C11orf86: variants seen among roughly 807,000 people sequenced by gnomAD.
The protein encoded by C11orf86 is uncharacterized protein C11orf86.
In C11orf86, 13 loss-of-function variants were observed where a neutral mutation model predicts 11.1. The observed-to-expected ratio is 1.17, with a 90% CI of 0.76 to 1.86. The LOEUF is 1.86. C11orf86 is among the 40% of genes most tolerant of loss of function. The pLI is 0.00. For synonymous variants in C11orf86, 86 were observed against 64.7 expected, an observed-to-expected ratio of 1.33 and a Z score of -1.58; for missense variants, 144 against 146.5, an observed-to-expected ratio of 0.98 and a Z score of 0.09.
Position 66,976,337 on chromosome 11 carries a change from C to A in C11orf86, c.*86C>A. 1 of 1,390,548 alleles carries A rather than the reference C, an allele frequency of 7.2e-7. No homozygotes were observed. Among genetic ancestry groups the A allele is most frequent in the Non-Finnish European group, 9.9e-7 (1 of 1,011,896 alleles). 86.1% of individuals were successfully genotyped at this position (1,390,548 alleles called of 1,614,324 possible). On this transcript the variant is annotated 3_prime_UTR_variant, in exon 2 of 2. Transcript: ENST00000683896. ...TGGACCAGCCCACCGTGTCTGCTGA[C>A]CTACCTCTTCACAGCTCTCTGGACT...
Position 66,975,638 on chromosome 11 carries a change from G to GGTAT in C11orf86, c.276+2_276+5dup. The GGTAT allele has an allele frequency of 6.5e-7, 1 of 1,549,648 alleles. No individual in the cohort carries two copies. The highest frequency in any genetic ancestry group is 8.7e-7 in the Non-Finnish European group (1 of 1,146,424). ...GGTGGTGGCTGAGGCGGTACCAACA[G>GGTAT]GTATGGCTGTGGGCTGAAGGATGGA... On this transcript the variant is annotated frameshift_variant and splice_region_variant. Coordinates refer to ENST00000683896, the MANE Select transcript of C11orf86 (RefSeq NM_001353554.2). LOFTEE classifies it high-confidence loss of function.
chr11:66,976,632 C>A lies in C11orf86; in HGVS notation c.*381C>A, dbSNP rs1949792072. 4.8e-6 allele frequency: 1 copy of A among 208,560 alleles called. No individual in the cohort carries two copies. The highest frequency in any genetic ancestry group is 1.1e-4 in the South Asian group (1 of 8,902). The allele number at this position is 208,560 out of a possible 1,614,324, so 12.9% of individuals were successfully genotyped here. A position where few individuals can be genotyped will look rare whatever the true frequency, so the allele number is the denominator to read the frequency against. On this transcript the variant is annotated 3_prime_UTR_variant, in exon 2 of 2. Coordinates refer to ENST00000683896, the MANE Select transcript of C11orf86 (RefSeq NM_001353554.2). Reference sequence around the variant, plus strand: ...CCAGCTGTCAACTTCCAGGACGGAGCTTGATGAAGCCAGACCCATGGCCGA... The same window carrying A: ...CCAGCTGTCAACTTCCAGGACGGAGATTGATGAAGCCAGACCCATGGCCGA...
chr11:66,975,775 A>G, intron 1 of C11orf86, 137 bp downstream of exon 1: 4 of 1,318,762 alleles, frequency 3.0e-6, no homozygotes, highest in Non-Finnish European at 4.0e-6. Context: ...GAGGGTGCAG[A>G]GAGAGACACC....
chr11:66,976,038 G>A, intron 1 of C11orf86, 139 bp from the exon 2 acceptor site: 1 of 801,034 alleles, frequency 1.2e-6, no homozygotes, highest in Non-Finnish European at 2.0e-6. Flanking sequence ...GGGGCTGCAG[G>A]CTCCCTCCTC....
chr11:66,976,063 T>G, intron 1 of C11orf86, 114 bp from the exon 2 acceptor site: 2 of 990,596 alleles, frequency 2.0e-6, no homozygotes, highest in Non-Finnish European at 3.1e-6. Context: ...AGACAGGGTC[T>G]CCAATGAGCA....
At position 66,976,359 on chromosome 11, in the gene C11orf86, GAC is replaced by G; in HGVS notation, c.*109_*110del. On this transcript the variant is annotated 3_prime_UTR_variant, in exon 2 of 2. Transcript: ENST00000683896. ...TGACCTACCTCTTCACAGCTCTCTG[GAC>G]TTTGGCTGGGTGGCCCTAGGAGGCT... 7.9e-7 allele frequency: 1 copy of G among 1,263,744 alleles called. No homozygotes were observed. Among genetic ancestry groups the G allele is most frequent in the South Asian group, 1.3e-5 (1 of 76,046 alleles). The allele number at this position is 1,263,744 out of a possible 1,614,324, so 78.3% of individuals were successfully genotyped here.
chr11:66,975,305 G>A lies in C11orf86; in HGVS notation c.-58G>A, dbSNP rs977499418. On this transcript the variant is annotated 5_prime_UTR_variant, in exon 1 of 2. Transcript: ENST00000683896. ...TGGGTGGAGGCACTGGGCCACCTCAGAGGGCCAGTGTCTTGCTGAGGGGCC... is the reference window on the plus strand; with the variant it reads ...TGGGTGGAGGCACTGGGCCACCTCAAAGGGCCAGTGTCTTGCTGAGGGGCC... The A allele has an allele frequency of 1.4e-5, 21 of 1,515,966 alleles. No homozygotes were observed. The African/African-American group carries it at 2.8e-4, about 20-fold the overall frequency. The allele number at this position is 1,515,966 out of a possible 1,614,324, so 93.9% of individuals were successfully genotyped here. A position where few individuals can be genotyped will look rare whatever the true frequency, so the allele number is the denominator to read the frequency against.
In C11orf86 at chr11:66,975,407, C is replaced by T; in HGVS notation, c.45C>T (p.Pro15=). The change falls in exon 1 of 2, where the codon CCC becomes CCT. Residue 15 remains proline, a synonymous_variant. Coordinates refer to ENST00000683896, the MANE Select transcript of C11orf86 (RefSeq NM_001353554.2). The part of the protein sequence containing the change: ...LRSQSLREPR[P]SYGKLQEPWG... ...GTCAGTCCTTGCGAGAGCCCCGACCCTCCTATGGAAAGCTGCAGGAGCCCT... is the reference window on the plus strand; with the variant it reads ...GTCAGTCCTTGCGAGAGCCCCGACCTTCCTATGGAAAGCTGCAGGAGCCCT... The T allele has an allele frequency of 6.4e-7, 1 of 1,550,920 alleles. No homozygotes were observed. Among genetic ancestry groups the T allele is most frequent in the South Asian group, 1.2e-5 (1 of 84,062 alleles).
chr11:66,975,403 G>T lies in C11orf86; in HGVS notation c.41G>T (p.Arg14Leu). 6.4e-7 allele frequency: 1 copy of T among 1,550,784 alleles called. No individual in the cohort carries two copies. Among genetic ancestry groups the T allele is most frequent in the South Asian group, 1.2e-5 (1 of 84,044 alleles). Reference sequence around the variant, plus strand: ...CGAAGTCAGTCCTTGCGAGAGCCCCGACCCTCCTATGGAAAGCTGCAGGAG... The same window carrying T: ...CGAAGTCAGTCCTTGCGAGAGCCCCTACCCTCCTATGGAAAGCTGCAGGAG... ...GLRSQSLREP[R>L]PSYGKLQEPW... Residue 14 changes from arginine to leucine, a missense_variant, in exon 1 of 2, where the codon CGA (arginine) becomes CTA (leucine). Transcript: ENST00000683896.
rs898360485 is a variant in C11orf86 at position 66,976,245 on chromosome 11, C to A, written c.345C>A (p.Ser115=). 1 of 1,551,046 alleles carries A rather than the reference C, an allele frequency of 6.4e-7. No individual in the cohort carries two copies. Among genetic ancestry groups the A allele is most frequent in the South Asian group, 1.2e-5 (1 of 84,062 alleles). The change falls in exon 2 of 2, where the codon TCC becomes TCA. Residue 115 remains serine (S), a synonymous_variant. Transcript: ENST00000683896. The stretch of plus-strand genomic sequence containing the variant: ...GCGTGACTCTGAGTCAGCCGGCCTC[C>A]CCGTAGCCCACACTGGGCACCATCA... ...FPSVTLSQPA[S]P
In C11orf86 at chr11:66,975,595, C is replaced by A. The variant is rs1432069628; in HGVS notation, c.233C>A (p.Ala78Asp). 1.9e-6 allele frequency: 3 copies of A among 1,551,196 alleles called. No homozygotes were observed. The highest frequency in any genetic ancestry group is 1.4e-5 in the African/African-American group (1 of 73,042). The change falls in exon 1 of 2, where the codon GCC becomes GAC. Residue 78 changes from alanine to aspartate, a missense_variant. Coordinates refer to ENST00000683896, the MANE Select transcript of C11orf86 (RefSeq NM_001353554.2). ...GGGGACACAGAGCAGCTGATCCAAG[C>A]CCAGCGAAGAGGCAGCCGGTGGTGG... ...SLGDTEQLIQ[A>D]QRRGSRWWLR... is the part of the protein sequence containing the mutation.
rs60606837 is a variant in C11orf86 at position 66,976,454 on chromosome 11, C to T, written c.*203C>T. 94 of 595,162 alleles carry T rather than the reference C, an allele frequency of 1.6e-4. 1 individual carries two copies. The African/African-American group carries it at 1.7e-3, about 11-fold the overall frequency. The allele number at this position is 595,162 out of a possible 1,614,324, so 36.9% of individuals were successfully genotyped here. A position where few individuals can be genotyped will look rare whatever the true frequency, so the allele number is the denominator to read the frequency against. ...TAGCTCTGGCCCTTCCACTCCAGCA[C>T]TAGCTCTCTTTGAAGATCCCAGCAG... is the stretch of plus-strand genomic sequence containing the variant. On this transcript the variant is annotated 3_prime_UTR_variant, in exon 2 of 2. Coordinates refer to ENST00000683896, the MANE Select transcript of C11orf86 (RefSeq NM_001353554.2).
chr11:66,976,215 C>G lies in C11orf86; in HGVS notation c.315C>G (p.Phe105Leu). 1 of 1,551,366 alleles carries G rather than the reference C, an allele frequency of 6.4e-7. No homozygotes were observed. The highest frequency in any genetic ancestry group is 8.7e-7 in the Non-Finnish European group (1 of 1,146,986). Residue 105 changes from phenylalanine to leucine, a missense_variant, in exon 2 of 2, where the codon TTC becomes TTG. Physicochemically the swap from Phe to Leu is conservative, Grantham distance 22 (BLOSUM62 0). Coordinates refer to ENST00000683896, the MANE Select transcript of C11orf86 (RefSeq NM_001353554.2). ...RRRWESFVAIFPSVTLSQPAS... is the reference protein window; with the variant it reads ...RRRWESFVAILPSVTLSQPAS... ...GGTGGGAGAGCTTTGTCGCCATCTTCCCCAGCGTGACTCTGAGTCAGCCGG... is the reference window on the plus strand; with the variant it reads ...GGTGGGAGAGCTTTGTCGCCATCTTGCCCAGCGTGACTCTGAGTCAGCCGG...
At position 66,976,523 on chromosome 11, in the gene C11orf86, G is replaced by T; in HGVS notation, c.*272G>T. On this transcript the variant is annotated 3_prime_UTR_variant, in exon 2 of 2. Transcript: ENST00000683896. Reference sequence around the variant, plus strand: ...TCAGCTGTCTGCCCTCTGGGCTTGGGTAGGGGCCTTGGACTATGATTCTAT... The same window carrying T: ...TCAGCTGTCTGCCCTCTGGGCTTGGTTAGGGGCCTTGGACTATGATTCTAT... 1 of 518,128 alleles carries T rather than the reference G, an allele frequency of 1.9e-6. No homozygotes were observed. Among genetic ancestry groups the T allele is most frequent in the South Asian group, 2.6e-5 (1 of 38,232 alleles). 32.1% of individuals were successfully genotyped at this position (518,128 alleles called of 1,614,324 possible).
intron 1 of C11orf86, 120 bp from the exon 2 acceptor site, chr11:66,976,057 A>G: frequency 1.1e-6 from 1 of 940,084 alleles, no homozygotes; most frequent in Non-Finnish European, 1.6e-6. Flanking sequence ...TCTAAGAGAC[A>G]GGGTCTCCAA....
Position 66,975,525 on chromosome 11 carries a change from G to T in C11orf86, c.163G>T (p.Glu55Ter). 1 of 1,551,592 alleles carries T rather than the reference G, an allele frequency of 6.4e-7. No homozygotes were observed. Among genetic ancestry groups the T allele is most frequent in the Non-Finnish European group, 8.7e-7 (1 of 1,146,974 alleles). ...GTCCCAGGGCCTCGAGAGAGGCACA[G>T]AAGGGCCAGATGCCACTGCCCAGGA... ...SRSQGLERGT[E>*]GPDATAQERV... Residue 55 changes from glutamate (E) to a stop codon, truncating the protein, a stop_gained, in exon 1 of 2, where the codon GAA (glutamate) becomes TAA (stop). Coordinates refer to ENST00000683896, the MANE Select transcript of C11orf86 (RefSeq NM_001353554.2). LOFTEE classifies it high-confidence loss of function.
At chr11:66,975,950 C>T (rs1949785160) in intron 1 of C11orf86, among the ~76,000 whole-genome samples, 3 of 152,170 alleles carry the variant, frequency 2.0e-5, no homozygotes, top group Admixed American at 1.3e-4. Context: ...AGGAGATCAG[C>T]CAGTGCAACT....
Position 66,975,499 on chromosome 11 carries a change from G to C in C11orf86, c.137G>C (p.Arg46Thr). The change falls in exon 1 of 2, where the codon AGG becomes ACG. Residue 46 changes from arginine (R) to threonine (T), a missense_variant. Arg to Thr is a moderately conservative substitution (Grantham distance 71). Transcript: ENST00000683896. ...CTCAGACAGGGGCAAGAGAAGTCCA[G>C]GTCCCAGGGCCTCGAGAGAGGCACA... The part of the protein sequence containing the change: ...LSLRQGQEKS[R>T]SQGLERGTEG... 1 of 1,551,548 alleles carries C rather than the reference G, an allele frequency of 6.4e-7. No individual in the cohort carries two copies. The highest frequency in any genetic ancestry group is 1.2e-5 in the South Asian group (1 of 84,064).
chr11:66,976,562 A>G lies in C11orf86; in HGVS notation c.*311A>G. ...CTATGATTCTATGAAGGTTTAGAAG[A>G]AGCCTGCCCGGAATGGGGGCTGTGG... On this transcript the variant is annotated 3_prime_UTR_variant, in exon 2 of 2. Coordinates refer to ENST00000683896, the MANE Select transcript of C11orf86 (RefSeq NM_001353554.2). 1 of 369,262 alleles carries G rather than the reference A, an allele frequency of 2.7e-6. No homozygotes were observed. Among genetic ancestry groups the G allele is most frequent in the Non-Finnish European group, 5.0e-6 (1 of 200,974 alleles). The allele number at this position is 369,262 out of a possible 1,614,324, so 22.9% of individuals were successfully genotyped here.
Sources: gnomAD v4.1 joint callset for allele counts (sites outside exome capture counted in the v4.1 genomes callset) on GRCh38, gnomAD v4.1.1 for gene constraint, MANE v1.5 for transcripts, NCBI Gene and HGNC (gene_info 2026-07-23, HGNC 2026-07-21) for gene names.